FSTL4: variants seen among roughly 807,000 people sequenced by gnomAD.
FSTL4 encodes follistatin like 4, also known as follistatin-related protein 4.
A neutral mutation model predicts 78.2 loss-of-function variants in FSTL4; 28 were observed. That is an observed-to-expected ratio of 0.36 (90% CI 0.27 to 0.49). The LOEUF is 0.49. Among genes scored for constraint, FSTL4 ranks in the 20% least tolerant of loss-of-function variants. The pLI is 0.98. For synonymous variants in FSTL4, 422 were observed against 440.5 expected, an observed-to-expected ratio of 0.96 and a Z score of 0.53; for missense variants, 922 against 1,084.9, an observed-to-expected ratio of 0.85 and a Z score of 2.11.
intron 2 of FSTL4, among the ~76,000 whole-genome samples, chr5:133,574,597 T>G (rs1760234277): frequency 6.6e-6 from 1 of 152,228 alleles, no homozygotes; most frequent in African/African-American, 2.4e-5. Context: ...AACTCCTAAG[T>G]AAATGTCCAA....
At chr5:133,694,895 A>C in the FSTL4 span, among the ~76,000 whole-genome samples, 1 of 152,172 alleles carries the variant, frequency 6.6e-6, no homozygotes, top group Non-Finnish European at 1.5e-5. Flanking sequence ...AAGGGCACTA[A>C]TCCCATCATG....
At chr5:133,295,224 C>T (rs1313518188) in intron 6 of FSTL4, among the ~76,000 whole-genome samples, 1 of 152,180 alleles carries the variant, frequency 6.6e-6, no homozygotes, top group African/African-American at 2.4e-5. Flanking sequence ...GCACACGCAC[C>T]CACCACACCG....
chr5:133,326,579 C>T (rs1022773895), intron 4 of FSTL4, among the ~76,000 whole-genome samples: 2 of 152,210 alleles, frequency 1.3e-5, no homozygotes, highest in African/African-American at 4.8e-5. Flanking sequence ...ACTGACTTCC[C>T]ACTCCCTGCC....
At chr5:133,815,793 T>C in the FSTL4 span, among the ~76,000 whole-genome samples, 8 of 152,152 alleles carry the variant, frequency 5.3e-5, no homozygotes, top group South Asian at 2.1e-4. Flanking sequence ...GTTTAGGTGA[T>C]TGGCCCACAC....
intron 4 of FSTL4, among the ~76,000 whole-genome samples, chr5:133,371,828 G>A (rs370355054): frequency 1.3e-5 from 2 of 152,176 alleles, no homozygotes; most frequent in South Asian, 2.1e-4. Flanking sequence ...ACTCCTCATC[G>A]TCAGACCTCG....
At chr5:133,799,553 G>A in the FSTL4 span, among the ~76,000 whole-genome samples, 3 of 138,414 alleles carry the variant, frequency 2.2e-5, no homozygotes, top group Admixed American at 2.2e-4. Context: ...GGGCTCTGAG[G>A]CAGGCCCTGG....
the FSTL4 span, among the ~76,000 whole-genome samples, chr5:133,808,479 T>C: frequency 6.6e-6 from 1 of 152,200 alleles, no homozygotes; most frequent in African/African-American, 2.4e-5. Context: ...CACCCAGGCT[T>C]GAGGGCTAGT....
At chr5:133,519,795 G>A (rs189330842) in intron 3 of FSTL4, among the ~76,000 whole-genome samples, 108 of 152,288 alleles carry the variant, frequency 7.1e-4, no homozygotes, top group African/African-American at 2.0e-3. Flanking sequence ...TCTTCTAATC[G>A]GAGAGCAAGG....
chr5:133,829,839 C>T, the FSTL4 span, among the ~76,000 whole-genome samples: 7 of 152,290 alleles, frequency 4.6e-5, no homozygotes, highest in East Asian at 1.9e-4. Flanking sequence ...TGCTCCAGGG[C>T]GGCCGGTCAG....
intron 2 of FSTL4, among the ~76,000 whole-genome samples, 196 bp from the exon 3 acceptor site, chr5:133,567,415 G>C (rs545554554): frequency 3.9e-5 from 6 of 152,230 alleles, no homozygotes; most frequent in Admixed American, 1.3e-4. Flanking sequence ...TGCTTTGAGG[G>C]CTTAGGCAAA....
chr5:133,811,393 T>A, the FSTL4 span, among the ~76,000 whole-genome samples: 5 of 152,148 alleles, frequency 3.3e-5, no homozygotes, highest in African/African-American at 4.8e-5. Flanking sequence ...CTTCCTAGAT[T>A]GCTCTCATAA....
chr5:133,613,638 C>T (rs998782460), upstream of FSTL4, among the ~76,000 whole-genome samples: 1 of 152,236 alleles, frequency 6.6e-6, no homozygotes, highest in South Asian at 2.1e-4. Flanking sequence ...GCTAGAGATA[C>T]AGCAGTGAAT....
the FSTL4 span, among the ~76,000 whole-genome samples, chr5:133,837,108 T>C: frequency 6.6e-6 from 1 of 152,084 alleles, no homozygotes; most frequent in Non-Finnish European, 1.5e-5. Context: ...CTTAAGCTCT[T>C]TCCTGTATTT....
intron 6 of FSTL4, among the ~76,000 whole-genome samples, chr5:133,277,257 G>A (rs954665604): frequency 5.9e-5 from 9 of 152,060 alleles, no homozygotes; most frequent in African/African-American, 4.8e-5. Context: ...AGGCTGCAGT[G>A]AGCCGAGATT....
At chr5:133,319,264 T>C (rs763850481) in intron 4 of FSTL4, among the ~76,000 whole-genome samples, 2 of 152,208 alleles carry the variant, frequency 1.3e-5, no homozygotes, top group Non-Finnish European at 2.9e-5. Context: ...GGGTGGGCCC[T>C]CCAGGTCTCC....
At chr5:133,496,620 C>T (rs1371942512) in intron 3 of FSTL4, among the ~76,000 whole-genome samples, 2 of 152,174 alleles carry the variant, frequency 1.3e-5, no homozygotes, top group African/African-American at 2.4e-5. Flanking sequence ...ACAATACCCT[C>T]GCAGATGCCC....
chr5:133,454,398 G>C (rs1757441761), intron 3 of FSTL4, among the ~76,000 whole-genome samples: 1 of 152,182 alleles, frequency 6.6e-6, no homozygotes, highest in African/African-American at 2.4e-5. Context: ...CAGCTGGAAG[G>C]GTGCTGGATT....
At chr5:133,637,957 A>C in the FSTL4 span, among the ~76,000 whole-genome samples, 3 of 45,560 alleles carry the variant, frequency 6.6e-5, no homozygotes, top group Non-Finnish European at 5.4e-5. Flanking sequence ...AATAATAATT[A>C]ATAATAATAA....
the FSTL4 span, among the ~76,000 whole-genome samples, chr5:133,622,995 T>C: frequency 6.6e-6 from 1 of 152,122 alleles, no homozygotes; most frequent in African/African-American, 2.4e-5. Flanking sequence ...TTCTCCACTT[T>C]TTAAATAAAA....
Sources: allele counts gnomAD v4.1 joint callset (sites outside exome capture counted in the v4.1 genomes callset), GRCh38; gene constraint gnomAD v4.1.1; transcripts MANE v1.5; gene names NCBI Gene and HGNC (gene_info 2026-07-23, HGNC 2026-07-21).